Variants in PBX1 observed in about 807,000 individuals in gnomAD.
PBX1 encodes the protein pre-B-cell leukemia transcription factor 1.
In PBX1, 6 loss-of-function variants were observed where a neutral mutation model predicts 53.4. The ratio of observed to expected loss-of-function variants is 0.11; its 90% CI spans 0.06 to 0.22. The LOEUF (loss-of-function observed/expected upper bound fraction) is 0.22. Among genes scored for constraint, PBX1 ranks in the 10% least tolerant of loss-of-function variants. PBX1 has a pLI of 1.00. For missense variants in PBX1, 251 were observed against 551.4 expected (o/e 0.46, Z 5.46); for synonymous variants, 204 against 212.3 (o/e 0.96, Z 0.34).
intron 2 of PBX1, among the ~76,000 whole-genome samples, chr1:164,634,132 T>A (rs1466654987): frequency 6.6e-6 from 1 of 152,208 alleles, no homozygotes; most frequent in Non-Finnish European, 1.5e-5. Context: ...ACCTGCACAG[T>A]GTAAGGCTTT....
intron 2 of PBX1, among the ~76,000 whole-genome samples, chr1:164,694,463 C>T (rs1662689623): frequency 6.6e-6 from 1 of 152,168 alleles, no homozygotes; most frequent in East Asian, 1.9e-4. Context: ...AACAAGTATC[C>T]AGTAAGTATT....
chr1:164,595,395 G>T (rs1281824002), intron 2 of PBX1, among the ~76,000 whole-genome samples: 4 of 152,198 alleles, frequency 2.6e-5, no homozygotes, highest in Non-Finnish European at 4.4e-5. Context: ...TGGCAAGTTG[G>T]CTGTGAAGCA....
intron 2 of PBX1, among the ~76,000 whole-genome samples, chr1:164,571,340 T>G (rs967940580): frequency 5.3e-5 from 8 of 152,128 alleles, no homozygotes; most frequent in African/African-American, 1.9e-4. Flanking sequence ...TACCAATCAG[T>G]CCATATTTCC....
intron 2 of PBX1, among the ~76,000 whole-genome samples, chr1:164,615,952 C>T (rs538869336): frequency 6.6e-6 from 1 of 152,136 alleles, no homozygotes; most frequent in Admixed American, 6.5e-5. Context: ...CTGGGGAGGC[C>T]AGGGTATTGT....
At position 164,648,374 on chromosome 1, in the gene PBX1, C is replaced by T. The variant is rs182904036; in HGVS notation, c.265+85063C>T. Among the ~76,000 whole-genome samples, 9 of 152,276 alleles carry T rather than the reference C, an allele frequency of 5.9e-5. No individual in the cohort carries two copies. In the East Asian group the frequency reaches 1.7e-3, roughly 29 times the overall value. On this transcript the variant is annotated intron_variant, in intron 2 of 8. Coordinates refer to ENST00000420696, the MANE Select transcript of PBX1 (RefSeq NM_002585.4). ...ACTTATTTTTCACATACTTCAAGGCCAGGAAACTTCAGAAGTGTCACAGCA... is the reference window on the plus strand; with the variant it reads ...ACTTATTTTTCACATACTTCAAGGCTAGGAAACTTCAGAAGTGTCACAGCA...
At chr1:164,799,671 G>A (rs1486779793) in intron 3 of PBX1, 28 bp from the exon 4 acceptor site, 1 of 1,596,278 alleles carries the variant, frequency 6.3e-7, no homozygotes, top group East Asian at 2.2e-5. Flanking sequence ...GACCCTCAAT[G>A]ACGGTGTTGA....
chr1:164,646,081 A>G (rs1261048371), intron 2 of PBX1, among the ~76,000 whole-genome samples: 1 of 152,210 alleles, frequency 6.6e-6, no homozygotes, highest in African/African-American at 2.4e-5. Flanking sequence ...GCATAACACA[A>G]GATGCGAATC....
chr1:164,656,261 T>C (rs544104838), intron 2 of PBX1, among the ~76,000 whole-genome samples: 5 of 152,176 alleles, frequency 3.3e-5, no homozygotes, highest in Non-Finnish European at 5.9e-5. Flanking sequence ...TAAATATGGG[T>C]AACAGCAAAA....
rs1443917338 is a variant in PBX1 at position 164,700,766 on chromosome 1, T to A, written c.266-91728T>A. On this transcript the variant is annotated intron_variant, in intron 2 of 8. Transcript: ENST00000420696. Reference sequence around the variant, plus strand: ...TTTCAGTGAACAAGGTGCTTTTCCCTTGTGTTGGGTTTCTATGACTTTTTT... The same window carrying A: ...TTTCAGTGAACAAGGTGCTTTTCCCATGTGTTGGGTTTCTATGACTTTTTT... 10 of 979,764 alleles carry A rather than the reference T, an allele frequency of 1.0e-5. No homozygotes were observed. In the Admixed American group the frequency reaches 6.2e-4, roughly 61 times the overall value. The allele number at this position is 979,764 out of a possible 1,614,324, so 60.7% of individuals were successfully genotyped here. A position where few individuals can be genotyped will look rare whatever the true frequency, so the allele number is the denominator to read the frequency against.
chr1:164,651,418 G>C (rs1334604789), intron 2 of PBX1, among the ~76,000 whole-genome samples: 1 of 151,966 alleles, frequency 6.6e-6, no homozygotes, highest in Non-Finnish European at 1.5e-5. Flanking sequence ...CGTGGTGGCT[G>C]TCTCGTTTCC....
intron 2 of PBX1, among the ~76,000 whole-genome samples, chr1:164,721,865 C>CT (rs1557965896): frequency 6.6e-6 from 1 of 152,130 alleles, no homozygotes; most frequent in Non-Finnish European, 1.5e-5. Context: ...GAATGAGTAT[C>CT]TTTTTGTGAC....
intron 2 of PBX1, among the ~76,000 whole-genome samples, chr1:164,869,383 A>G (rs933895294): frequency 4.6e-5 from 7 of 152,194 alleles, no homozygotes; most frequent in African/African-American, 1.7e-4. Flanking sequence ...AACTTCCCAC[A>G]CTGGGCTCCA....
chr1:164,762,547 C>G (rs1044856027), intron 2 of PBX1, among the ~76,000 whole-genome samples: 1 of 152,218 alleles, frequency 6.6e-6, no homozygotes, highest in Admixed American at 6.5e-5. Flanking sequence ...CTGGAACCAA[C>G]CTGGTAATTA....
Position 164,663,280 on chromosome 1 carries a change from G to T in PBX1, c.265+99969G>T, listed in dbSNP as rs865832082. On this transcript the variant is annotated intron_variant, in intron 2 of 8. Transcript: ENST00000420696. ...TGCCTGCCTGCCTGCCTGCCTGCCT[G>T]CCTTCCTACCTGCCTGCCTTCCTGC... 2.8e-5 allele frequency among the ~76,000 whole-genome samples: 4 copies of T among 140,542 alleles called. No homozygotes were observed. The South Asian group carries it at 9.2e-4, about 32-fold the overall frequency. 92.2% of individuals were successfully genotyped at this position (140,542 alleles called of 152,430 possible).
intron 2 of PBX1, among the ~76,000 whole-genome samples, chr1:164,786,718 T>TGTGTGTGTGTGTGTGTGTGCGC (rs1391268022): frequency 2.0e-5 from 2 of 100,050 alleles, no homozygotes; most frequent in African/African-American, 8.6e-5. Context: ...TGTGTGTGTG[T>TGTGTGTGTGTGTGTGTGTGCGC]GTGCGCGCGC....
chr1:164,715,207 A>G (rs1664017560), intron 2 of PBX1, among the ~76,000 whole-genome samples: 2 of 152,104 alleles, frequency 1.3e-5, no homozygotes, highest in Admixed American at 1.3e-4. Context: ...GAATTAAATG[A>G]TTTTTCTTCT....
chr1:164,777,657 T>A (rs1397814640), intron 2 of PBX1, among the ~76,000 whole-genome samples: 2 of 152,216 alleles, frequency 1.3e-5, no homozygotes, highest in Non-Finnish European at 2.9e-5. Context: ...TTCATAATTA[T>A]TTACATCCCT....
At chr1:164,668,377 C>CCAA (rs1229355111) in intron 2 of PBX1, among the ~76,000 whole-genome samples, 94 of 152,298 alleles carry the variant, frequency 6.2e-4, no homozygotes, top group African/African-American at 2.1e-3. Flanking sequence ...ACTCCTGTAG[C>CCAA]AAAAGTTGGA....
At chr1:164,590,375 G>A in intron 2 of PBX1, 1 of 455,980 alleles carries the variant, frequency 2.2e-6, no homozygotes, top group South Asian at 1.5e-5. Flanking sequence ...TTTGTGCTCT[G>A]GACTTGCTCA....
Sources: gnomAD v4.1 joint callset for allele counts (sites outside exome capture counted in the v4.1 genomes callset) on GRCh38, gnomAD v4.1.1 for gene constraint, MANE v1.5 for transcripts, NCBI Gene and HGNC (gene_info 2026-07-23, HGNC 2026-07-21) for gene names.